Variants in LOC128092252 observed in about 807,000 individuals in gnomAD.
chr15:50,678,261 A>AAC, the LOC128092252 span, among the ~76,000 whole-genome samples: 1 of 148,132 alleles, frequency 6.8e-6, no homozygotes, highest in Admixed American at 6.8e-5. Context: ...ACAAAAACAA[A>AAC]AACAAAAACA....
the LOC128092252 span, among the ~76,000 whole-genome samples, chr15:50,686,289 G>A: frequency 2.0e-5 from 3 of 152,188 alleles, no homozygotes; most frequent in Non-Finnish European, 4.4e-5. Context: ...GCTGGGAGCC[G>A]AGTCTCGGCT....
At chr15:50,659,684 T>C in the LOC128092252 span, among the ~76,000 whole-genome samples, 17 of 152,116 alleles carry the variant, frequency 1.1e-4, no homozygotes, top group South Asian at 4.2e-4. Context: ...TCTTTTTTTT[T>C]TGAGATGGAG....
the LOC128092252 span, among the ~76,000 whole-genome samples, chr15:50,654,655 A>T: frequency 6.6e-6 from 1 of 151,572 alleles, no homozygotes; most frequent in East Asian, 1.9e-4. Context: ...ACTATAACAA[A>T]GAATCAAATA....
chr15:50,667,079 C>G, the LOC128092252 span, among the ~76,000 whole-genome samples: 2 of 152,088 alleles, frequency 1.3e-5, no homozygotes, highest in African/African-American at 4.8e-5. Context: ...AGGGATGATA[C>G]TGAGGAGACC....
chr15:50,650,581 G>T, the LOC128092252 span, among the ~76,000 whole-genome samples: 1 of 152,052 alleles, frequency 6.6e-6, no homozygotes, highest in Non-Finnish European at 1.5e-5. Flanking sequence ...TGTAGTCCCA[G>T]CTTCTCAGGA....
chr15:50,678,097 C>T, the LOC128092252 span, among the ~76,000 whole-genome samples: 2 of 151,598 alleles, frequency 1.3e-5, no homozygotes, highest in South Asian at 2.1e-4. Context: ...AAAAATCAGC[C>T]GGGCGTGGTG....
the LOC128092252 span, among the ~76,000 whole-genome samples, chr15:50,661,276 A>C: frequency 6.6e-6 from 1 of 152,158 alleles, no homozygotes; most frequent in Non-Finnish European, 1.5e-5. Flanking sequence ...CACCAGGCCT[A>C]TTAACTACCA....
chr15:50,663,390 T>C, the LOC128092252 span, among the ~76,000 whole-genome samples: 6 of 152,292 alleles, frequency 3.9e-5, no homozygotes, highest in Admixed American at 6.5e-5. Flanking sequence ...CCTCCCAAAG[T>C]GGTGGGATTA....
chr15:50,648,985 T>G, the LOC128092252 span: 1 of 812,884 alleles, frequency 1.2e-6, no homozygotes, highest in African/African-American at 1.8e-5. Context: ...AGCTTTAAAA[T>G]TTTTATATTT....
chr15:50,657,452 A>C, the LOC128092252 span, among the ~76,000 whole-genome samples: 12,112 of 152,210 alleles, frequency 0.08, 572 homozygotes, highest in South Asian at 0.12. Context: ...CCAGGCCCAA[A>C]TCTCTCAAAT....
At chr15:50,674,857 C>G in the LOC128092252 span, among the ~76,000 whole-genome samples, 1 of 152,016 alleles carries the variant, frequency 6.6e-6, no homozygotes, top group African/African-American at 2.4e-5. Context: ...ATATATCATC[C>G]CCTCTACTAC....
the LOC128092252 span, among the ~76,000 whole-genome samples, chr15:50,659,897 A>C: frequency 6.6e-6 from 1 of 152,100 alleles, no homozygotes; most frequent in East Asian, 1.9e-4. Flanking sequence ...CGAACTCCTG[A>C]CCTCAGGTGA....
the LOC128092252 span, among the ~76,000 whole-genome samples, chr15:50,669,188 T>C: frequency 1.3e-5 from 2 of 152,142 alleles, no homozygotes; most frequent in East Asian, 1.9e-4. Flanking sequence ...ACGCCTGTAA[T>C]CACAGCACAT....
the LOC128092252 span, among the ~76,000 whole-genome samples, chr15:50,666,685 G>A: frequency 2.0e-5 from 3 of 151,670 alleles, no homozygotes; most frequent in Non-Finnish European, 4.4e-5. Flanking sequence ...GCCTATAATC[G>A]CAGCTACTTG....
the LOC128092252 span, among the ~76,000 whole-genome samples, chr15:50,680,098 G>T: frequency 6.6e-6 from 1 of 152,000 alleles, no homozygotes. Flanking sequence ...GCTGGGCATG[G>T]TGGCGGGTGC....
the LOC128092252 span, among the ~76,000 whole-genome samples, chr15:50,661,028 T>G: frequency 1.3e-5 from 2 of 151,276 alleles, no homozygotes; most frequent in Non-Finnish European, 2.9e-5. Context: ...CAGGCTGGAG[T>G]GCAGCAGTGT....
the LOC128092252 span, among the ~76,000 whole-genome samples, chr15:50,659,192 C>G: frequency 1.0e-5 from 1 of 99,212 alleles, no homozygotes; most frequent in Admixed American, 1.2e-4. Flanking sequence ...GACTCCGTCT[C>G]AAAAAAAAAA....
At chr15:50,682,575 T>C in the LOC128092252 span, among the ~76,000 whole-genome samples, 1 of 134,498 alleles carries the variant, frequency 7.4e-6, no homozygotes. Flanking sequence ...AAACTCCATC[T>C]CAAAAAAAAA....
At chr15:50,684,533 C>G in the LOC128092252 span, among the ~76,000 whole-genome samples, 1 of 151,864 alleles carries the variant, frequency 6.6e-6, no homozygotes, top group South Asian at 2.1e-4. Flanking sequence ...CCCAGCTACT[C>G]GGGAGGCTGA....
Sources: allele counts gnomAD v4.1 joint callset (sites outside exome capture counted in the v4.1 genomes callset), GRCh38; gene constraint gnomAD v4.1.1; transcripts MANE v1.5.